The following DNHD1 variants were observed in gnomAD, a reference collection of about 807,000 sequenced individuals.
The protein encoded by DNHD1 is dynein heavy chain domain-containing protein 1.
In DNHD1, 383 loss-of-function variants were observed where a neutral mutation model predicts 458.1. That is an observed-to-expected ratio of 0.84 (90% CI 0.77 to 0.91). DNHD1 has a LOEUF of 0.91. DNHD1 is among the 40% of genes least tolerant of loss of function. The probability of loss-of-function intolerance (pLI) is 0.00; values close to 1 mark genes in which losing one functional copy is unlikely to be tolerated. For missense variants in DNHD1, 5,336 were observed against 5,866.1 expected, an observed-to-expected ratio of 0.91 and a Z score of 2.95; for synonymous variants, 2,203 against 2,376.9, an observed-to-expected ratio of 0.93 and a Z score of 2.13.
In DNHD1 at chr11:6,528,539, G is replaced by A; in HGVS notation, c.1855G>A (p.Asp619Asn). The A allele has an allele frequency of 6.5e-7, 1 of 1,550,166 alleles. No homozygotes were observed. Among genetic ancestry groups the A allele is most frequent in the Non-Finnish European group, 8.7e-7 (1 of 1,145,818 alleles). ...LYSEEEDEEE[D>N]SKDEFLMPKF... ...TCCACTAGAAGAAGATGAAGAGGAG[G>A]ACTCAAAAGACGAATTTCTGATGCC... Residue 619 changes from aspartate (D) to asparagine (N), a missense_variant, in exon 11 of 43, where the codon GAC (aspartate) becomes AAC (asparagine). Asp to Asn is a conservative substitution (Grantham distance 23). Coordinates refer to ENST00000254579, the MANE Select transcript of DNHD1 (RefSeq NM_144666.3).
intron 39 of DNHD1, among the ~76,000 whole-genome samples, 187 bp from the exon 40 acceptor site, chr11:6,569,822 T>C (rs779691192): frequency 3.3e-4 from 50 of 152,142 alleles, no homozygotes; most frequent in Non-Finnish European, 6.2e-4. Flanking sequence ...TACCTCTCAC[T>C]GAAATAGGAG....
At position 6,545,233 on chromosome 11, in the gene DNHD1, G is replaced by A. The variant is rs1417790571; in HGVS notation, c.4294G>A (p.Val1432Met). The A allele has an allele frequency of 6.4e-7, 1 of 1,551,806 alleles. No homozygotes were observed. ...LAVLGAGGEE[V>M]KLQGPLPLHP... ...AGTGCTAGGGGCAGGTGGGGAGGAG[G>A]TGAAGCTGCAGGGTCCCCTTCCTCT... The change falls in exon 21 of 43, where the codon GTG becomes ATG. Residue 1432 changes from valine (V) to methionine (M), a missense_variant. Val to Met is a conservative substitution (Grantham distance 21). This residue lies in a region of DNHD1 where 3,932 missense variants were observed against 4,365.6 expected (regional missense o/e 0.90). Transcript: ENST00000254579. This position sits in a 1 kb window ranked among gnomAD's most constrained non-coding sequence, Gnocchi z 4.9.
Position 6,565,760 on chromosome 11 carries a change from A to C in DNHD1, c.10822A>C (p.Ser3608Arg). The C allele has an allele frequency of 6.4e-7, 1 of 1,551,568 alleles. No homozygotes were observed. The highest frequency in any genetic ancestry group is 8.7e-7 in the Non-Finnish European group (1 of 1,146,990). Residue 3608 changes from serine to arginine, a missense_variant, in exon 33 of 43, where the codon AGT becomes CGT. Ser to Arg is a moderately radical substitution (Grantham distance 110, BLOSUM62 -1). This residue lies in a region of DNHD1 where 695 missense variants were observed against 804.2 expected (regional missense o/e 0.86). Transcript: ENST00000254579. ...KTDMKEEDDE[S>R]EESNEAEDQT... Reference sequence around the variant, plus strand: ...GGACATGAAAGAGGAAGATGATGAGAGTGAAGAGAGTAATGAGGCTGAGGA... The same window carrying C: ...GGACATGAAAGAGGAAGATGATGAGCGTGAAGAGAGTAATGAGGCTGAGGA...
intron 12 of DNHD1, among the ~76,000 whole-genome samples, chr11:6,531,761 C>G (rs2134410568): frequency 6.6e-6 from 1 of 152,236 alleles, no homozygotes; most frequent in Non-Finnish European, 1.5e-5. Flanking sequence ...CAGTATGTCT[C>G]AATTATCTGT....
intron 29 of DNHD1, 89 bp from the exon 30 acceptor site, chr11:6,563,293 C>A: frequency 1.3e-6 from 2 of 1,498,916 alleles, no homozygotes; most frequent in South Asian, 2.4e-5. Flanking sequence ...CTCATGGGGA[C>A]TCCAAGGAGA....
At chr11:6,516,044 C>A (rs192245239) in intron 7 of DNHD1, among the ~76,000 whole-genome samples, 1 of 151,678 alleles carries the variant, frequency 6.6e-6, no homozygotes, top group East Asian at 2.0e-4. Flanking sequence ...ACCTCGCCCT[C>A]CCAAAGTGCT....
intron 18 of DNHD1, among the ~76,000 whole-genome samples, chr11:6,543,833 C>T (rs572225152): frequency 1.3e-5 from 2 of 152,090 alleles, no homozygotes; most frequent in South Asian, 4.2e-4. Context: ...TGGTGGCACA[C>T]ACCTGTAATC....
rs182094264 is a variant in DNHD1, at chr11:6,548,042, T to C, written c.6905+2T>C. 6.4e-7 allele frequency: 1 copy of C among 1,551,640 alleles called. No homozygotes were observed. ...CTTTGGAGCCCACCTTCCCTCCAGG[T>C]ACCTACCAGGATGGGGGATGGGAGA... On this transcript the variant is annotated splice_donor_variant, in intron 22 of 42. Coordinates refer to ENST00000254579, the MANE Select transcript of DNHD1 (RefSeq NM_144666.3). LOFTEE classifies it high-confidence loss of function. This position sits in a 1 kb window ranked among gnomAD's most constrained non-coding sequence, Gnocchi z 4.4.
rs775843618 is a variant in DNHD1, at chr11:6,564,013, C to T, written c.10173C>T (p.Ser3391=). The change falls in exon 31 of 43, where the codon TCC becomes TCT. Residue 3391 remains serine, a synonymous_variant. Coordinates refer to ENST00000254579, the MANE Select transcript of DNHD1 (RefSeq NM_144666.3). ...AGATGGTGGAGGATGCCCAAGCTTC[C>T]CACAACTGCGTGGCAAAGACCCTCA... ...LAKMVEDAQA[S]HNCVAKTLSQ... 6.4e-7 allele frequency: 1 copy of T among 1,551,738 alleles called. No homozygotes were observed. Among genetic ancestry groups the T allele is most frequent in the Non-Finnish European group, 8.7e-7 (1 of 1,146,992 alleles).
Position 6,571,250 on chromosome 11 carries a change from G to A in DNHD1, c.13738G>A (p.Val4580Ile), listed in dbSNP as rs555782338. 3.0e-5 allele frequency: 48 copies of A among 1,612,552 alleles called. No homozygotes were observed. The South Asian group carries it at 4.1e-4, about 14-fold the overall frequency. ...ADASSDVPER[V>I]FHLSAFRHPR... ...CGCGAGCAGTGATGTACCAGAGCGC[G>A]TCTTCCACCTGTCAGCCTTTCGCCA... The change falls in exon 42 of 43, where the codon GTC becomes ATC. Residue 4580 changes from valine to isoleucine, a missense_variant. Transcript: ENST00000254579. The surrounding 1 kb of genome is among the most constrained non-coding windows in gnomAD (Gnocchi z 5.0).
rs1407282238 is a variant in DNHD1 at position 6,548,422 on chromosome 11, A to G, written c.7098+20A>G. 1 of 1,549,670 alleles carries G rather than the reference A, an allele frequency of 6.5e-7. No individual in the cohort carries two copies. The highest frequency in any genetic ancestry group is 1.4e-5 in the African/African-American group (1 of 73,102). ...ATCCAGGTGTGAGGACAGTAAGGCA[A>G]GAGCTGGGGTTAGAACTTCAGGACT... On this transcript the variant is annotated intron_variant, in intron 23 of 42. Coordinates refer to ENST00000254579, the MANE Select transcript of DNHD1 (RefSeq NM_144666.3). This position sits in a 1 kb window ranked among gnomAD's most constrained non-coding sequence, Gnocchi z 4.4.
intron 3 of DNHD1, among the ~76,000 whole-genome samples, chr11:6,499,534 C>T (rs1052622671): frequency 6.6e-6 from 1 of 151,954 alleles, no homozygotes; most frequent in Non-Finnish European, 1.5e-5. Context: ...CACTCTGGCC[C>T]CTTGAGTGAT....
intron 7 of DNHD1, among the ~76,000 whole-genome samples, chr11:6,512,498 A>T (rs1392497111): frequency 6.6e-6 from 1 of 151,984 alleles, no homozygotes; most frequent in East Asian, 1.9e-4. Context: ...CTGGGATTAC[A>T]GGTGTGAACC....
chr11:6,566,393 G>C lies in DNHD1; in HGVS notation c.11206G>C (p.Val3736Leu). The C allele has an allele frequency of 6.4e-7, 1 of 1,559,176 alleles. No individual in the cohort carries two copies. Among genetic ancestry groups the C allele is most frequent in the South Asian group, 1.2e-5 (1 of 84,420 alleles). ...TTLSLCAMEK[V>L]LGCELLKGLN... ...CCTCTCCCTCTGTGCCATGGAAAAAGGTGAGGCCCAGAGGGCAAATTGCCA... is the reference window on the plus strand; with the variant it reads ...CCTCTCCCTCTGTGCCATGGAAAAACGTGAGGCCCAGAGGGCAAATTGCCA... Residue 3736 changes from valine to leucine, a missense_variant and splice_region_variant, in exon 34 of 43, where the codon GTG becomes CTG. This residue lies in a region of DNHD1 where 695 missense variants were observed against 804.2 expected (regional missense o/e 0.86). Transcript: ENST00000254579.
At position 6,538,530 on chromosome 11, in the gene DNHD1, G is replaced by A. The variant is rs1157866760; in HGVS notation, c.3126+20G>A. On this transcript the variant is annotated intron_variant, in intron 15 of 42. Coordinates refer to ENST00000254579, the MANE Select transcript of DNHD1 (RefSeq NM_144666.3). The stretch of plus-strand genomic sequence containing the variant: ...GCCAAGGTGCTGACACCCTTCCTTG[G>A]AGCTCTTGACTGGGAGTGGAGGACT... 15 of 1,551,634 alleles carry A rather than the reference G, an allele frequency of 9.7e-6. No individual in the cohort carries two copies. The Admixed American group carries it at 2.9e-4, about 30-fold the overall frequency.
intron 3 of DNHD1, among the ~76,000 whole-genome samples, chr11:6,501,546 C>T (rs544188371): frequency 2.6e-5 from 4 of 152,144 alleles, no homozygotes; most frequent in Admixed American, 2.6e-4. Context: ...GGGAAGGCAA[C>T]TGAAGTTGAG....
At chr11:6,560,556 G>T (rs1185010858) in intron 28 of DNHD1, among the ~76,000 whole-genome samples, 1 of 152,192 alleles carries the variant, frequency 6.6e-6, no homozygotes, top group Admixed American at 6.5e-5. Context: ...TTAATACCAG[G>T]ATTGTTGATC....
rs984939107 is a variant in DNHD1 at position 6,567,484 on chromosome 11, T to C, written c.11975T>C (p.Met3992Thr). The change falls in exon 36 of 43, where the codon ATG (methionine) becomes ACG (threonine). Residue 3992 changes from methionine (M) to threonine (T), a missense_variant. By Grantham distance (81) the Met-to-Thr change is moderately conservative. This residue lies in a region of DNHD1 where 695 missense variants were observed against 804.2 expected (regional missense o/e 0.86). Coordinates refer to ENST00000254579, the MANE Select transcript of DNHD1 (RefSeq NM_144666.3). The part of the protein sequence containing the change: ...LGPKAWHECE[M>T]LELLPPFVGL... The stretch of plus-strand genomic sequence containing the variant: ...CCAAAAGCCTGGCATGAATGTGAGA[T>C]GTTAGAGCTGCTGCCCCCATTTGTT... 1.2e-6 allele frequency: 2 copies of C among 1,613,480 alleles called. No individual in the cohort carries two copies. Among genetic ancestry groups the C allele is most frequent in the Non-Finnish European group, 1.7e-6 (2 of 1,179,672 alleles).
chr11:6,568,704 A>T lies in DNHD1; in HGVS notation c.12701A>T (p.Gln4234Leu). The change falls in exon 39 of 43, where the codon CAG becomes CTG. Residue 4234 changes from glutamine to leucine, a missense_variant. Coordinates refer to ENST00000254579, the MANE Select transcript of DNHD1 (RefSeq NM_144666.3). ...CACTCCATGCCTGTTTTCTGGAACC[A>T]GTCCCTGGAGCTGGGCCATGTTTTG... Reference protein sequence around the residue: ...TQHSMPVFWNQSLELGHVLID... With the variant: ...TQHSMPVFWNLSLELGHVLID... 3.1e-6 allele frequency: 5 copies of T among 1,613,848 alleles called. No individual in the cohort carries two copies. The highest frequency in any genetic ancestry group is 4.2e-6 in the Non-Finnish European group (5 of 1,179,840).
Sources: gnomAD v4.1 joint callset for allele counts (sites outside exome capture counted in the v4.1 genomes callset) on GRCh38, gnomAD v4.1.1 for gene constraint, gnomAD v4.1.1 regional missense constraint, Gnocchi (gnomAD v3.1) non-coding constraint, MANE v1.5 for transcripts, NCBI Gene and HGNC (gene_info 2026-07-23, HGNC 2026-07-21) for gene names.